Variants in EPN2 observed in about 807,000 individuals in gnomAD.
EPN2 encodes the protein epsin 2, also known as epsin-2.
A neutral mutation model predicts 61.7 loss-of-function variants in EPN2; 34 were observed. The ratio of observed to expected loss-of-function variants is 0.55; its 90% CI spans 0.42 to 0.73. The LOEUF (loss-of-function observed/expected upper bound fraction) is 0.73. Ranked by LOEUF, EPN2 falls within the 30% of genes least tolerant of loss-of-function variation. The pLI is 0.00. For synonymous variants in EPN2, 349 were observed against 353.6 expected, an observed-to-expected ratio of 0.99 and a Z score of 0.15; for missense variants, 714 against 839.2, an observed-to-expected ratio of 0.85 and a Z score of 1.84.
At chr17:19,314,730 G>A (rs1438409322) in intron 7 of EPN2, among the ~76,000 whole-genome samples, 1 of 152,268 alleles carries the variant, frequency 6.6e-6, no homozygotes, top group African/African-American at 2.4e-5. Context: ...CTGAAGGCCA[G>A]TTCCAGGGCT....
Position 19,331,933 on chromosome 17 carries a change from G to A in EPN2, c.1492G>A (p.Ala498Thr), listed in dbSNP as rs370303381. The change falls in exon 10 of 11, where the codon GCC becomes ACC. Residue 498 changes from alanine to threonine, a missense_variant. Ala to Thr is a moderately conservative substitution (Grantham distance 58). Transcript: ENST00000314728. Reference sequence around the variant, plus strand: ...CTTTGAGTCTCAACCCCTGACTGTCGCCTCAAGCAAGCCCAGCAGTGCCCG... The same window carrying A: ...CTTTGAGTCTCAACCCCTGACTGTCACCTCAAGCAAGCCCAGCAGTGCCCG... Reference protein sequence around the residue: ...DPFESQPLTVASSKPSSARKT... With the variant: ...DPFESQPLTVTSSKPSSARKT... 1.1e-5 allele frequency: 18 copies of A among 1,613,992 alleles called. No homozygotes were observed. Among genetic ancestry groups the A allele is most frequent in the Admixed American group, 8.3e-5 (5 of 60,002 alleles).
At chr17:19,300,194 G>GA (rs1470058271) in intron 4 of EPN2, among the ~76,000 whole-genome samples, 2 of 152,160 alleles carry the variant, frequency 1.3e-5, no homozygotes, top group East Asian at 3.9e-4. Context: ...CAGTTTCTTA[G>GA]AAAGAAACAG....
At chr17:19,331,776 CCAT>C in intron 9 of EPN2, 74 bp from the exon 10 acceptor site, 1 of 1,265,410 alleles carries the variant, frequency 7.9e-7, no homozygotes, top group Non-Finnish European at 1.2e-6. Flanking sequence ...CCCCAGGAGG[CCAT>C]GTTTTGTGTT....
At chr17:19,293,756 CTGAT>C (rs904949332) in intron 4 of EPN2, among the ~76,000 whole-genome samples, 2 of 151,928 alleles carry the variant, frequency 1.3e-5, no homozygotes, top group Non-Finnish European at 2.9e-5. Context: ...AGGAGCTCCT[CTGAT>C]TGTCAGAATA....
intron 7 of EPN2, among the ~76,000 whole-genome samples, chr17:19,319,972 G>T (rs553564882): frequency 6.6e-6 from 1 of 152,226 alleles, no homozygotes; most frequent in African/African-American, 2.4e-5. Context: ...TTATACTTTT[G>T]CAGGGAGCCT....
At chr17:19,282,827 C>T (rs1450186580) in intron 2 of EPN2, 123 bp from the exon 3 acceptor site, 1 of 325,654 alleles carries the variant, frequency 3.1e-6, no homozygotes, top group Admixed American at 4.4e-5. Context: ...TTGGGTTCGT[C>T]CTAAGGAGGC....
chr17:19,255,560 G>GT (rs56823339), intron 1 of EPN2, among the ~76,000 whole-genome samples: 3,828 of 92,168 alleles, frequency 0.042, 196 homozygotes, highest in East Asian at 0.094. Context: ...TCTGGGGAGA[G>GT]TTTTTTTTTT....
intron 4 of EPN2, among the ~76,000 whole-genome samples, chr17:19,301,167 C>T: frequency 6.6e-6 from 1 of 152,270 alleles, no homozygotes; most frequent in South Asian, 2.1e-4. Context: ...TCACCCCAGT[C>T]TCTGCCTCCA....
intron 1 of EPN2, among the ~76,000 whole-genome samples, chr17:19,262,074 C>A (rs1373048132): frequency 6.6e-6 from 1 of 152,134 alleles, no homozygotes; most frequent in East Asian, 1.9e-4. Flanking sequence ...GTAGTCCCAG[C>A]TACTTGGGAG....
intron 1 of EPN2, among the ~76,000 whole-genome samples, chr17:19,256,062 C>T (rs1385216681): frequency 1.3e-5 from 2 of 152,080 alleles, no homozygotes; most frequent in Admixed American, 6.5e-5. Context: ...CTCAGCCTCC[C>T]GAGTAGCTGG....
At chr17:19,327,562 A>G (rs556155055) in intron 7 of EPN2, among the ~76,000 whole-genome samples, 4 of 152,244 alleles carry the variant, frequency 2.6e-5, no homozygotes, top group South Asian at 2.1e-4. Context: ...AGTCCCAGCT[A>G]CTTGGGAGGC....
chr17:19,256,258 G>C (rs1260706814), intron 1 of EPN2, among the ~76,000 whole-genome samples: 1 of 151,780 alleles, frequency 6.6e-6, no homozygotes, highest in Non-Finnish European at 1.5e-5. Context: ...TGTTGTAATT[G>C]TTCTGGGATG....
rs570554936 is a variant in EPN2, at chr17:19,280,448, G to A, written c.-293-1507G>A. Among the ~76,000 whole-genome samples, 6 of 152,290 alleles carry A rather than the reference G, an allele frequency of 3.9e-5. No homozygotes were observed. In the East Asian group the frequency reaches 9.6e-4, roughly 24 times the overall value. On this transcript the variant is annotated intron_variant, in intron 1 of 10. Coordinates refer to ENST00000314728, the MANE Select transcript of EPN2 (RefSeq NM_014964.5). ...AATTACATCAAATGTGCAGGTCACCGTGCAAAAGTTTTTATCCCTGGTCCT... is the reference window on the plus strand; with the variant it reads ...AATTACATCAAATGTGCAGGTCACCATGCAAAAGTTTTTATCCCTGGTCCT...
chr17:19,258,176 CAG>C (rs960080488), intron 1 of EPN2, among the ~76,000 whole-genome samples: 2 of 152,134 alleles, frequency 1.3e-5, no homozygotes, highest in African/African-American at 4.8e-5. Flanking sequence ...GATGCTGAGA[CAG>C]TGTGGAGGAG....
rs80086848 is a variant in EPN2, at chr17:19,290,073, C to A, written c.766+4283C>A. The stretch of plus-strand genomic sequence containing the variant: ...TTGTAATTTCAGACACACCAGCTGC[C>A]CTCCCAAGGCTGGCTCCTCTTAAGG... On this transcript the variant is annotated intron_variant, in intron 4 of 10. Transcript: ENST00000314728. Among the ~76,000 whole-genome samples, 460 of 152,256 alleles carry A rather than the reference C, an allele frequency of 3.0e-3. 1 individual carries two copies. The highest frequency in any genetic ancestry group is 4.9e-3 in the Non-Finnish European group (333 of 68,016).
intron 4 of EPN2, among the ~76,000 whole-genome samples, chr17:19,293,539 T>C: frequency 6.9e-6 from 1 of 144,768 alleles, no homozygotes; most frequent in African/African-American, 2.6e-5. Flanking sequence ...CCCAGCTTTT[T>C]TTTTTTTTTT....
intron 7 of EPN2, among the ~76,000 whole-genome samples, chr17:19,322,023 A>G (rs1906659735): frequency 6.6e-6 from 1 of 152,128 alleles, no homozygotes; most frequent in Admixed American, 6.5e-5. Flanking sequence ...CAGGGGGCAG[A>G]TTTTTGTTTA....
chr17:19,290,801 T>C (rs955463374), intron 4 of EPN2, among the ~76,000 whole-genome samples: 3 of 152,098 alleles, frequency 2.0e-5, no homozygotes, highest in African/African-American at 7.2e-5. Flanking sequence ...CAACTTGGGT[T>C]CTGAAACCAA....
intron 4 of EPN2, chr17:19,308,621 T>C: frequency 1.0e-6 from 1 of 985,320 alleles, no homozygotes; most frequent in Non-Finnish European, 1.2e-6. Context: ...GTGGGTGCGC[T>C]GAGGGAACAG....
Sources: gnomAD v4.1 joint callset for allele counts (sites outside exome capture counted in the v4.1 genomes callset) on GRCh38, gnomAD v4.1.1 for gene constraint, MANE v1.5 for transcripts, NCBI Gene and HGNC (gene_info 2026-07-23, HGNC 2026-07-21) for gene names.